Variants in DENND1A observed in about 807,000 individuals in gnomAD.
The protein encoded by DENND1A is DENN domain-containing protein 1A.
Under a neutral mutation model 113.7 loss-of-function variants are expected in DENND1A, and 51 were observed. The observed-to-expected ratio is 0.45, with a 90% CI of 0.36 to 0.57. The LOEUF (loss-of-function observed/expected upper bound fraction) is 0.57. DENND1A is among the 20% of genes least tolerant of loss of function. The pLI is 0.00. For missense variants in DENND1A, 1,258 were observed against 1,395.9 expected (o/e 0.90, Z 1.57); for synonymous variants, 565 against 570.8 (o/e 0.99, Z 0.14).
At chr9:123,705,936 T>C (rs766932892) in intron 5 of DENND1A, among the ~76,000 whole-genome samples, 16 of 152,166 alleles carry the variant, frequency 1.1e-4, no homozygotes, top group Non-Finnish European at 2.2e-4. Flanking sequence ...TGTACCATCC[T>C]TGGGAGAACT....
At chr9:123,708,611 T>TA (rs1194585286) in intron 5 of DENND1A, among the ~76,000 whole-genome samples, 2 of 152,082 alleles carry the variant, frequency 1.3e-5, no homozygotes, top group African/African-American at 4.8e-5. Context: ...TACAAGTATA[T>TA]AAAAAATAAA....
intron 5 of DENND1A, among the ~76,000 whole-genome samples, chr9:123,749,950 T>TAA (rs2069861958): frequency 1.3e-5 from 2 of 152,216 alleles, no homozygotes; most frequent in Non-Finnish European, 2.9e-5. Context: ...GCCAAAGTCT[T>TAA]AGAGTTACAA....
At chr9:123,449,492 G>C (rs1187778847) in intron 18 of DENND1A, among the ~76,000 whole-genome samples, 1 of 147,058 alleles carries the variant, frequency 6.8e-6, no homozygotes, top group Non-Finnish European at 1.5e-5. Flanking sequence ...CCGAGATCGC[G>C]CCATTGCACT....
chr9:123,427,220 G>A (rs1036310350), intron 19 of DENND1A, among the ~76,000 whole-genome samples: 1 of 152,212 alleles, frequency 6.6e-6, no homozygotes, highest in African/African-American at 2.4e-5. Context: ...TGTCCATCAG[G>A]ATTACGTTGA....
At chr9:123,768,114 G>A (rs542330412) in intron 4 of DENND1A, among the ~76,000 whole-genome samples, 4 of 152,258 alleles carry the variant, frequency 2.6e-5, no homozygotes, top group African/African-American at 9.6e-5. Flanking sequence ...CCATTACAAA[G>A]ACTGACCCTC....
chr9:123,532,014 G>T (rs2055362358), intron 13 of DENND1A, among the ~76,000 whole-genome samples: 2 of 152,180 alleles, frequency 1.3e-5, no homozygotes. Flanking sequence ...CCTGAAGGGT[G>T]TGCATGTGTG....
intron 3 of DENND1A, among the ~76,000 whole-genome samples, chr9:123,785,822 C>T (rs576131133): frequency 1.6e-4 from 25 of 152,302 alleles, no homozygotes; most frequent in African/African-American, 6.0e-4. Context: ...TACATTTCCA[C>T]CTACGTTTCC....
At chr9:123,794,875 C>T (rs1833534220) in intron 2 of DENND1A, among the ~76,000 whole-genome samples, 2 of 151,988 alleles carry the variant, frequency 1.3e-5, no homozygotes, top group African/African-American at 4.8e-5. Context: ...ATAAAGATGA[C>T]CATGGAATGC....
intron 1 of DENND1A, among the ~76,000 whole-genome samples, chr9:123,905,750 T>C (rs1348472002): frequency 6.6e-6 from 1 of 150,418 alleles, no homozygotes; most frequent in Admixed American, 6.6e-5. Flanking sequence ...TCCCACACAT[T>C]AATAATGGGA....
intron 13 of DENND1A, among the ~76,000 whole-genome samples, chr9:123,470,426 G>C (rs1362629759): frequency 6.6e-6 from 1 of 152,134 alleles, no homozygotes; most frequent in Non-Finnish European, 1.5e-5. Context: ...AATGACACTT[G>C]CATCCAAAGT....
chr9:123,740,346 A>C (rs1197135602), intron 5 of DENND1A, among the ~76,000 whole-genome samples: 1 of 152,206 alleles, frequency 6.6e-6, no homozygotes, highest in Non-Finnish European at 1.5e-5. Context: ...TAACTATCTA[A>C]TCTACTCTCA....
intron 5 of DENND1A, among the ~76,000 whole-genome samples, chr9:123,721,632 G>T (rs890291698): frequency 1.3e-5 from 2 of 152,294 alleles, no homozygotes. Context: ...ATGGGGGCAG[G>T]TCTTTCCCAT....
chr9:123,415,801 C>T lies in DENND1A; in HGVS notation c.1489-3972G>A, dbSNP rs146762902. ...CGCAGGGCCAGGGGCACAGTGGACACGCTGCTGGGGAGGCCTCTGCTTCCT... is the reference window on the plus strand; with the variant it reads ...CGCAGGGCCAGGGGCACAGTGGACATGCTGCTGGGGAGGCCTCTGCTTCCT... On this transcript the variant is annotated intron_variant, in intron 19 of 23. Coordinates refer to ENST00000394215, the MANE Select transcript of DENND1A (RefSeq NM_001352964.2). Among the ~76,000 whole-genome samples, 574 of 152,286 alleles carry T rather than the reference C, an allele frequency of 3.8e-3. 2 individuals are homozygous for T. Among genetic ancestry groups the T allele is most frequent in the Middle Eastern group, 0.01 (3 of 294 alleles).
chr9:123,561,701 G>A (rs1057208079), intron 12 of DENND1A, among the ~76,000 whole-genome samples: 6 of 151,958 alleles, frequency 3.9e-5, no homozygotes, highest in Admixed American at 6.6e-5. Context: ...TCCTTTAATC[G>A]GGTGTTATAG....
At chr9:123,928,846 A>G (rs1328296026) in intron 1 of DENND1A, 1 of 985,314 alleles carries the variant, frequency 1.0e-6, no homozygotes, top group African/African-American at 1.7e-5. Context: ...CATTCCACAA[A>G]CTTTCTTGTA....
At chr9:123,440,315 T>TAA (rs759352081) in intron 19 of DENND1A, 45 bp downstream of exon 19, 25 of 1,369,564 alleles carry the variant, frequency 1.8e-5, no homozygotes, top group East Asian at 1.1e-4. Flanking sequence ...AAAACAAAAA[T>TAA]AAAAAAAAAA....
chr9:123,918,273 G>C (rs1379184562), intron 1 of DENND1A, among the ~76,000 whole-genome samples: 1 of 150,816 alleles, frequency 6.6e-6, no homozygotes, highest in Non-Finnish European at 1.5e-5. Context: ...CAGATCATGA[G>C]GTCAGGAGAT....
intron 20 of DENND1A, 106 bp downstream of exon 20, chr9:123,411,670 T>A: frequency 1.3e-6 from 1 of 791,176 alleles, no homozygotes. Context: ...AATTCCCAGT[T>A]TTCTTTTGCC....
intron 5 of DENND1A, among the ~76,000 whole-genome samples, chr9:123,744,948 G>C (rs2069362115): frequency 6.6e-6 from 1 of 151,860 alleles, no homozygotes; most frequent in Non-Finnish European, 1.5e-5. Flanking sequence ...GCTAATTTTT[G>C]TATTTTTAGG....
Sources: gnomAD v4.1 joint callset for allele counts (sites outside exome capture counted in the v4.1 genomes callset) on GRCh38, gnomAD v4.1.1 for gene constraint, MANE v1.5 for transcripts, NCBI Gene and HGNC (gene_info 2026-07-23, HGNC 2026-07-21) for gene names.